Variants in CALN1 observed in about 807,000 individuals in gnomAD.
The protein encoded by CALN1 is calneuron 1, also known as calcium-binding protein 8.
Under a neutral mutation model 30.6 loss-of-function variants are expected in CALN1, and 17 were observed. That is an observed-to-expected ratio of 0.56 (90% CI 0.38 to 0.83). The LOEUF (loss-of-function observed/expected upper bound fraction) is 0.83, where lower values mean the gene tolerates loss of function less well. CALN1 is among the 40% of genes least tolerant of loss of function. The probability of loss-of-function intolerance (pLI) is 0.00; values close to 1 mark genes in which losing one functional copy is unlikely to be tolerated. For missense variants in CALN1, 291 were observed against 354.9 expected (o/e 0.82, Z 1.45); for synonymous variants, 156 against 131.4 (o/e 1.19, Z -1.28).
chr7:72,246,517 G>C (rs554444771), intron 3 of CALN1, among the ~76,000 whole-genome samples: 1 of 152,008 alleles, frequency 6.6e-6, no homozygotes, highest in African/African-American at 2.4e-5. Context: ...CTATAATTCC[G>C]TGATCAAAAC....
chr7:72,305,718 C>T (rs2944839), intron 2 of CALN1, among the ~76,000 whole-genome samples: 70,746 of 151,994 alleles, frequency 0.47, 17,485 homozygotes, highest in South Asian at 0.68. Flanking sequence ...GCTCAGGTTA[C>T]CGTAACAAAA....
intron 4 of CALN1, among the ~76,000 whole-genome samples, chr7:72,056,074 G>C (rs1803240537): frequency 2.0e-5 from 3 of 152,136 alleles, no homozygotes; most frequent in Non-Finnish European, 4.4e-5. Flanking sequence ...TACAACTTTA[G>C]TGATATATTT....
intron 2 of CALN1, among the ~76,000 whole-genome samples, chr7:72,340,747 A>G (rs563959489): frequency 1.3e-5 from 2 of 152,016 alleles, no homozygotes; most frequent in Non-Finnish European, 2.9e-5. Context: ...TAATTCCCAC[A>G]TGTTGTGGGA....
At chr7:71,963,266 G>A (rs937261717) in intron 5 of CALN1, among the ~76,000 whole-genome samples, 2 of 152,100 alleles carry the variant, frequency 1.3e-5, no homozygotes, top group Admixed American at 6.6e-5. Context: ...TGGTTCAAGC[G>A]ATTCTCCTGC....
intron 3 of CALN1, among the ~76,000 whole-genome samples, chr7:72,246,574 T>C (rs1463714589): frequency 6.6e-6 from 1 of 152,092 alleles, no homozygotes; most frequent in African/African-American, 2.4e-5. Flanking sequence ...TTCGAGAGAA[T>C]GTTTTGCTAA....
At chr7:72,212,450 T>A (rs551559161) in intron 3 of CALN1, among the ~76,000 whole-genome samples, 1 of 151,956 alleles carries the variant, frequency 6.6e-6, no homozygotes, top group South Asian at 2.1e-4. Context: ...CCAGCCCCCA[T>A]TGAAACTATT....
At chr7:71,964,588 G>A (rs1473242293) in intron 5 of CALN1, among the ~76,000 whole-genome samples, 3 of 151,940 alleles carry the variant, frequency 2.0e-5, no homozygotes, top group South Asian at 2.1e-4. Context: ...AAGAACAACC[G>A]GCTGGGCGCA....
At chr7:72,434,436 C>T (rs1428082675) in intron 1 of CALN1, among the ~76,000 whole-genome samples, 1 of 151,422 alleles carries the variant, frequency 6.6e-6, no homozygotes, top group East Asian at 1.9e-4. Flanking sequence ...GCAAGAGAAT[C>T]GGTTGAACCC....
In CALN1 at chr7:72,311,288, TATATA is replaced by T. The variant is rs946308521; in HGVS notation, c.120-32483_120-32479del. On this transcript the variant is annotated intron_variant, in intron 2 of 6. Coordinates refer to ENST00000395275, the MANE Select transcript of CALN1 (RefSeq NM_031468.4). ...ATTTTACTTTACTGTAAGAACACAATATATAATATATCAAATACACAAAATATGTG... is the reference window on the plus strand; with the variant it reads ...ATTTTACTTTACTGTAAGAACACAATATATATCAAATACACAAAATATGTG... 5.3e-5 allele frequency among the ~76,000 whole-genome samples: 8 copies of T among 152,192 alleles called. 1 individual carries two copies. The highest frequency in any genetic ancestry group is 4.1e-4 in the South Asian group (2 of 4,824).
At chr7:71,795,554 C>T (rs1786848898) in intron 6 of CALN1, among the ~76,000 whole-genome samples, 2 of 152,176 alleles carry the variant, frequency 1.3e-5, no homozygotes, top group South Asian at 4.1e-4. Context: ...CGAGATTGCG[C>T]AACCATCACC....
intron 1 of CALN1, among the ~76,000 whole-genome samples, chr7:72,426,161 G>A (rs1244066185): frequency 6.6e-6 from 1 of 152,352 alleles, no homozygotes; most frequent in East Asian, 1.9e-4. Flanking sequence ...CTGTGTGGAT[G>A]AGCCTCACCT....
intron 3 of CALN1, among the ~76,000 whole-genome samples, chr7:72,269,631 C>T (rs563597004): frequency 3.9e-5 from 6 of 152,210 alleles, no homozygotes; most frequent in Admixed American, 1.3e-4. Flanking sequence ...CACTGATTTG[C>T]CCCCCAACAG....
At chr7:71,972,096 G>A (rs1161108735) in intron 5 of CALN1, among the ~76,000 whole-genome samples, 1 of 151,984 alleles carries the variant, frequency 6.6e-6, no homozygotes, top group African/African-American at 2.4e-5. Context: ...AGGTGAATAC[G>A]GACGTAGTAC....
chr7:71,808,228 A>C (rs531300776), intron 6 of CALN1, among the ~76,000 whole-genome samples: 226 of 149,224 alleles, frequency 1.5e-3, no homozygotes, highest in African/African-American at 5.4e-3. Context: ...TATTACCATA[A>C]TGGTTAATTA....
intron 4 of CALN1, among the ~76,000 whole-genome samples, chr7:72,102,705 C>G (rs1288557945): frequency 6.6e-6 from 1 of 152,086 alleles, no homozygotes; most frequent in Admixed American, 6.6e-5. Context: ...GCAGAAGCAA[C>G]TATAGAGACA....
intron 2 of CALN1, among the ~76,000 whole-genome samples, chr7:72,282,042 A>G (rs2129554256): frequency 6.6e-6 from 1 of 152,348 alleles, no homozygotes; most frequent in African/African-American, 2.4e-5. Context: ...GAGCAATGGA[A>G]CGATCCATAT....
intron 3 of CALN1, among the ~76,000 whole-genome samples, chr7:72,212,225 T>C (rs1305548994): frequency 6.6e-6 from 1 of 151,816 alleles, no homozygotes; most frequent in African/African-American, 2.4e-5. Context: ...GGCAGGCACC[T>C]GTAATCCCAG....
At chr7:72,063,373 A>C (rs917210) in intron 4 of CALN1, among the ~76,000 whole-genome samples, 1 of 152,158 alleles carries the variant, frequency 6.6e-6, no homozygotes, top group East Asian at 1.9e-4. Flanking sequence ...CAATGCCATA[A>C]GTCTCTTGGG....
the CALN1 span, among the ~76,000 whole-genome samples, chr7:72,486,938 C>T: frequency 6.6e-6 from 1 of 152,014 alleles, no homozygotes; most frequent in Admixed American, 6.6e-5. Flanking sequence ...ATTTTGCTTC[C>T]ATACAAAATT....
Sources: gnomAD v4.1 joint callset for allele counts (sites outside exome capture counted in the v4.1 genomes callset) on GRCh38, gnomAD v4.1.1 for gene constraint, MANE v1.5 for transcripts, NCBI Gene and HGNC (gene_info 2026-07-23, HGNC 2026-07-21) for gene names.